Variants in MYZAP observed in about 807,000 individuals in gnomAD.
MYZAP encodes myocardial zonula adherens protein, also known as GRINL1A complex locus upstream.
Under a neutral mutation model 69.4 loss-of-function variants are expected in MYZAP, and 66 were observed. The observed-to-expected ratio is 0.95, with a 90% confidence interval of 0.78 to 1.17. The LOEUF is 1.17. MYZAP is among the 50% of genes most tolerant of loss of function. MYZAP has a pLI of 0.00. For missense variants in MYZAP, 611 were observed against 556.2 expected, an observed-to-expected ratio of 1.10 and a Z score of -0.99; for synonymous variants, 256 against 205.9, an observed-to-expected ratio of 1.24 and a Z score of -2.09.
At chr15:57,598,107 A>G (rs959879313) in intron 1 of MYZAP, among the ~76,000 whole-genome samples, 6 of 152,128 alleles carry the variant, frequency 3.9e-5, no homozygotes, top group Non-Finnish European at 7.3e-5. Context: ...TTTGAGATAG[A>G]TATTTTTCCC....
intron 2 of MYZAP, 88 bp downstream of exon 2, chr15:57,604,443 G>C (rs2034612674): frequency 1.0e-5 from 15 of 1,437,786 alleles, no homozygotes; most frequent in Non-Finnish European, 1.4e-5. Context: ...GCCATTCCCA[G>C]AGGCTGGGTG....
chr15:57,635,048 C>G (rs2036735088), intron 8 of MYZAP, among the ~76,000 whole-genome samples: 1 of 152,134 alleles, frequency 6.6e-6, no homozygotes, highest in Admixed American at 6.5e-5. Flanking sequence ...GGCAGCATAG[C>G]AGGGTGGTCT....
intron 1 of MYZAP, among the ~76,000 whole-genome samples, chr15:57,597,832 A>G (rs568583654): frequency 1.3e-5 from 2 of 152,194 alleles, no homozygotes; most frequent in Non-Finnish European, 2.9e-5. Context: ...TGGGGCATAC[A>G]CTGTTCCGCA....
rs1254389091 is a variant in MYZAP at position 57,596,226 on chromosome 15, TGAG to T, written c.75+4119_75+4121del. On this transcript the variant is annotated intron_variant, in intron 1 of 12. Coordinates refer to ENST00000267853, the MANE Select transcript of MYZAP (RefSeq NM_001018100.5). ...GGGGGCACTGATGGAGTGCTGCGTA[TGAG>T]GTCCCTGTTGTAGTTTACCTATGCT... Among the ~76,000 whole-genome samples, 5 of 152,326 alleles carry T rather than the reference TGAG, an allele frequency of 3.3e-5. No homozygotes were observed. The South Asian group carries it at 8.3e-4, about 25-fold the overall frequency.
chr15:57,603,118 T>TTA, intron 1 of MYZAP, among the ~76,000 whole-genome samples: 1 of 152,332 alleles, frequency 6.6e-6, no homozygotes, highest in Middle Eastern at 3.4e-3. Context: ...TATCCGATAT[T>TTA]TCAGTGAAAT....
At chr15:57,663,246 T>C (rs1410900155) in intron 11 of MYZAP, among the ~76,000 whole-genome samples, 1 of 147,258 alleles carries the variant, frequency 6.8e-6, no homozygotes, top group African/African-American at 2.5e-5. Context: ...AAGCAAGCTC[T>C]CCTACTGGTA....
intron 11 of MYZAP, among the ~76,000 whole-genome samples, chr15:57,672,526 G>C (rs534246360): frequency 6.6e-6 from 1 of 151,722 alleles, no homozygotes; most frequent in African/African-American, 2.4e-5. Context: ...TCCTCTCACT[G>C]CAAGTGCAGC....
chr15:57,657,097 C>T (rs981083028), intron 10 of MYZAP, among the ~76,000 whole-genome samples: 19 of 152,092 alleles, frequency 1.2e-4, no homozygotes, highest in African/African-American at 4.6e-4. Flanking sequence ...CAGTAGGATC[C>T]TCTCAATATC....
chr15:57,625,722 G>T, intron 4 of MYZAP, 57 bp from the exon 5 acceptor site: 1 of 1,524,544 alleles, frequency 6.6e-7, no homozygotes, highest in Non-Finnish European at 9.1e-7. Flanking sequence ...CCTAACTGAA[G>T]ATTGTCGTGA....
At position 57,621,597 on chromosome 15, in the gene MYZAP, G is replaced by C; in HGVS notation, c.319-11G>C. The stretch of plus-strand genomic sequence containing the variant: ...GGCTTGATCTCTAACTAGTATCTTT[G>C]TGGGCTACAGGTGAGAGCCACTTTG... On this transcript the variant is annotated splice_polypyrimidine_tract_variant and intron_variant, in intron 3 of 12. Coordinates refer to ENST00000267853, the MANE Select transcript of MYZAP (RefSeq NM_001018100.5). 1 of 1,610,724 alleles carries C rather than the reference G, an allele frequency of 6.2e-7. No homozygotes were observed. The highest frequency in any genetic ancestry group is 8.5e-7 in the Non-Finnish European group (1 of 1,177,996).
chr15:57,637,824 C>G (rs745716943), intron 9 of MYZAP, 50 bp downstream of exon 9: 17 of 1,555,582 alleles, frequency 1.1e-5, no homozygotes, highest in Non-Finnish European at 7.9e-6. Flanking sequence ...TGTGGACACG[C>G]TGTGTTTTTA....
chr15:57,635,147 G>A (rs940952820), intron 8 of MYZAP, among the ~76,000 whole-genome samples: 7 of 152,182 alleles, frequency 4.6e-5, no homozygotes, highest in Non-Finnish European at 7.3e-5. Flanking sequence ...TGAATCTTGT[G>A]TCTCTTTGTA....
chr15:57,612,938 C>CT (rs1452130840), intron 2 of MYZAP, among the ~76,000 whole-genome samples: 16 of 151,232 alleles, frequency 1.1e-4, no homozygotes, highest in East Asian at 5.8e-4. Flanking sequence ...CTTTTATTTT[C>CT]TTTTTTTTTC....
chr15:57,678,007 C>A (rs1307643512), intron 12 of MYZAP, among the ~76,000 whole-genome samples: 1 of 136,562 alleles, frequency 7.3e-6, no homozygotes, highest in Non-Finnish European at 1.5e-5. Context: ...AGTTCAAGAC[C>A]AGCCTAAGCC....
chr15:57,636,258 G>A (rs1361828545), intron 8 of MYZAP, among the ~76,000 whole-genome samples: 2 of 152,042 alleles, frequency 1.3e-5, no homozygotes, highest in East Asian at 3.9e-4. Context: ...GCTCAGGCCA[G>A]GCCATAAGAA....
intron 3 of MYZAP, among the ~76,000 whole-genome samples, chr15:57,620,586 C>T (rs1047168664): frequency 3.3e-5 from 5 of 152,162 alleles, no homozygotes; most frequent in East Asian, 1.9e-4. Context: ...ACTTGAACAG[C>T]GTTTGTGTAA....
At chr15:57,612,299 C>A (rs1175058083) in intron 2 of MYZAP, among the ~76,000 whole-genome samples, 1 of 152,184 alleles carries the variant, frequency 6.6e-6, no homozygotes, top group Non-Finnish European at 1.5e-5. Context: ...GGATGTGTGA[C>A]CAGCTGCCCC....
At chr15:57,612,427 C>T (rs1444358695) in intron 2 of MYZAP, among the ~76,000 whole-genome samples, 2 of 152,096 alleles carry the variant, frequency 1.3e-5, no homozygotes, top group Admixed American at 1.3e-4. Context: ...AAGGGATTTT[C>T]TTTTTTTGCA....
chr15:57,626,302 A>G (rs888204865), intron 5 of MYZAP, among the ~76,000 whole-genome samples: 7 of 152,200 alleles, frequency 4.6e-5, no homozygotes, highest in Non-Finnish European at 1.0e-4. Flanking sequence ...ATGGCAAGCA[A>G]TATAAAAAAG....
Sources: allele counts gnomAD v4.1 joint callset (sites outside exome capture counted in the v4.1 genomes callset), GRCh38; gene constraint gnomAD v4.1.1; transcripts MANE v1.5; gene names NCBI Gene and HGNC (gene_info 2026-07-23, HGNC 2026-07-21).